Variants in GPD2 observed in about 807,000 individuals in gnomAD.
GPD2 encodes glycerol-3-phosphate dehydrogenase 2.
GPD2 carries 54 observed loss-of-function variants against 82.4 expected under a neutral mutation model. The ratio of observed to expected loss-of-function variants is 0.66; its 90% confidence interval spans 0.53 to 0.82. GPD2 has a LOEUF of 0.82. Among genes scored for constraint, GPD2 ranks in the 40% least tolerant of loss-of-function variants. GPD2 has a pLI of 0.00. For missense variants in GPD2, 748 were observed against 896.2 expected (o/e 0.83, Z 2.11); for synonymous variants, 288 against 306.1 (o/e 0.94, Z 0.62).
chr2:156,557,655 A>C, intron 9 of GPD2, 73 bp downstream of exon 9: 5 of 856,782 alleles, frequency 5.8e-6, no homozygotes, highest in Non-Finnish European at 1.0e-5. Context: ...TCACTGGATA[A>C]ATGCTATGTC....
At position 156,516,137 on chromosome 2, in the gene GPD2, C is replaced by T. The variant is rs533121573; in HGVS notation, c.661+2641C>T. Among the ~76,000 whole-genome samples the T allele has an allele frequency of 1.6e-4, 24 of 152,196 alleles. No homozygotes were observed. The South Asian group carries it at 4.4e-3, about 28-fold the overall frequency. On this transcript the variant is annotated intron_variant, in intron 6 of 16. Transcript: ENST00000438166. ...CAATGTGAACTTTTATCATTGCAAA[C>T]CCAAGTCTAAACATGGTAGTTTATA...
chr2:156,489,036 A>G (rs1433382308), intron 2 of GPD2, among the ~76,000 whole-genome samples: 1 of 152,146 alleles, frequency 6.6e-6, no homozygotes, highest in African/African-American at 2.4e-5. Flanking sequence ...TTCTGGCTTC[A>G]ATGGCTGAAT....
At chr2:156,465,909 T>C (rs1372612587) in intron 1 of GPD2, among the ~76,000 whole-genome samples, 2 of 152,196 alleles carry the variant, frequency 1.3e-5, no homozygotes, top group Non-Finnish European at 2.9e-5. Flanking sequence ...TTAAAGTTTT[T>C]CTCCCTGTTG....
At chr2:156,507,672 A>G (rs1057123453) in intron 3 of GPD2, among the ~76,000 whole-genome samples, 5 of 152,128 alleles carry the variant, frequency 3.3e-5, no homozygotes, top group Non-Finnish European at 5.9e-5. Context: ...CTGATCCAGG[A>G]CACATAGCTG....
intron 6 of GPD2, among the ~76,000 whole-genome samples, chr2:156,519,333 A>T (rs1685311091): frequency 6.6e-6 from 1 of 152,176 alleles, no homozygotes; most frequent in Non-Finnish European, 1.5e-5. Flanking sequence ...ACATAACCAA[A>T]TCCCTTTCTT....
chr2:156,435,783 G>A (rs1403420233), upstream of GPD2: 4 of 152,412 alleles, frequency 2.6e-5, no homozygotes, highest in Admixed American at 6.5e-5. Flanking sequence ...AGATCCCAGG[G>A]CGGACAACGA....
chr2:156,405,091 A>G, the GPD2 span, among the ~76,000 whole-genome samples: 1 of 152,160 alleles, frequency 6.6e-6, no homozygotes, highest in African/African-American at 2.4e-5. Context: ...AGAGGTAGTT[A>G]GAATAGGAGT....
chr2:156,447,326 A>G (rs2105147962), intron 1 of GPD2, among the ~76,000 whole-genome samples: 1 of 151,816 alleles, frequency 6.6e-6, no homozygotes, highest in African/African-American at 2.4e-5. Context: ...TCGATCTCAG[A>G]TGAATCTCTC....
intron 11 of GPD2, 26 bp from the exon 12 acceptor site, chr2:156,570,061 T>C (rs1326151284): frequency 1.2e-6 from 2 of 1,608,036 alleles, no homozygotes; most frequent in Non-Finnish European, 1.7e-6. Flanking sequence ...TCAAAGTGCC[T>C]GCCTAACGCA....
intron 6 of GPD2, among the ~76,000 whole-genome samples, chr2:156,546,598 G>A (rs1048228399): frequency 6.6e-6 from 1 of 152,156 alleles, no homozygotes; most frequent in African/African-American, 2.4e-5. Flanking sequence ...GGATTGCTGG[G>A]TGGAGGTGTG....
chr2:156,535,901 G>C (rs1295838847), intron 6 of GPD2, among the ~76,000 whole-genome samples: 1 of 152,128 alleles, frequency 6.6e-6, no homozygotes, highest in African/African-American at 2.4e-5. Context: ...AGAGAGAGAG[G>C]AATAGCCAAA....
At chr2:156,547,380 T>C (rs1274913202) in intron 6 of GPD2, among the ~76,000 whole-genome samples, 3 of 152,166 alleles carry the variant, frequency 2.0e-5, no homozygotes, top group Admixed American at 1.3e-4. Context: ...TCTCAGAACT[T>C]CCAGGATGGT....
At position 156,578,865 on chromosome 2, in the gene GPD2, ACTTT is replaced by A. The variant is rs1687919396; in HGVS notation, c.1768-23_1768-20del. 7.8e-7 allele frequency: 1 copy of A among 1,282,902 alleles called. No individual in the cohort carries two copies. The highest frequency in any genetic ancestry group is 1.7e-5 in the Admixed American group (1 of 59,590). 79.5% of individuals were successfully genotyped at this position (1,282,902 alleles called of 1,614,324 possible). On this transcript the variant is annotated intron_variant, in intron 13 of 16. Coordinates refer to ENST00000438166, the MANE Select transcript of GPD2 (RefSeq NM_000408.5). ...AATCAATATTTCCATGTGTCTTTGA[ACTTT>A]GTGTGTATCTCTGTTTTAGGAACAA...
At chr2:156,497,950 T>C (rs1246785157) in intron 3 of GPD2, among the ~76,000 whole-genome samples, 2 of 152,130 alleles carry the variant, frequency 1.3e-5, no homozygotes, top group African/African-American at 2.4e-5. Flanking sequence ...TTTTTCCCCT[T>C]GAAGGCCTGG....
the GPD2 span, among the ~76,000 whole-genome samples, chr2:156,412,209 G>T: frequency 1.3e-5 from 2 of 152,146 alleles, no homozygotes; most frequent in Admixed American, 1.3e-4. Context: ...GCTAAGGTGG[G>T]TGGATCATTT....
chr2:156,415,411 G>A, the GPD2 span, among the ~76,000 whole-genome samples: 1 of 151,942 alleles, frequency 6.6e-6, no homozygotes, highest in African/African-American at 2.4e-5. Context: ...ACCCGCCTCG[G>A]CCTTCCAAAG....
At chr2:156,484,375 G>A (rs1683855018) in intron 2 of GPD2, among the ~76,000 whole-genome samples, 1 of 152,032 alleles carries the variant, frequency 6.6e-6, no homozygotes, top group Non-Finnish European at 1.5e-5. Context: ...GACCTAGGGT[G>A]ATCCGCCCGC....
At chr2:156,581,751 A>T (rs770076553) in intron 16 of GPD2, among the ~76,000 whole-genome samples, 6 of 152,056 alleles carry the variant, frequency 3.9e-5, no homozygotes, top group Non-Finnish European at 7.4e-5. Flanking sequence ...TGCATGTAGG[A>T]GTCCATCTCT....
the GPD2 span, among the ~76,000 whole-genome samples, chr2:156,429,979 T>C: frequency 1.3e-5 from 2 of 152,240 alleles, no homozygotes; most frequent in African/African-American, 4.8e-5. Context: ...TAGTCTTTAA[T>C]TTTTGGTTAA....
Sources: allele counts gnomAD v4.1 joint callset (sites outside exome capture counted in the v4.1 genomes callset), GRCh38; gene constraint gnomAD v4.1.1; transcripts MANE v1.5; gene names NCBI Gene and HGNC (gene_info 2026-07-23, HGNC 2026-07-21).